The following NCR2 variants were observed in gnomAD, a reference collection of about 807,000 sequenced individuals.
NCR2 encodes NK cell activating receptor (NKp44).
A neutral mutation model predicts 30.7 loss-of-function variants in NCR2; 35 were observed. The ratio of observed to expected loss-of-function variants is 1.14; its 90% confidence interval spans 0.87 to 1.51. The LOEUF (loss-of-function observed/expected upper bound fraction) is 1.51. Ranked by LOEUF, NCR2 falls within the 40% of genes most tolerant of loss-of-function variation. The probability of loss-of-function intolerance (pLI) is 0.00; values close to 1 mark genes in which losing one functional copy is unlikely to be tolerated. For missense variants in NCR2, 316 were observed against 328.9 expected (o/e 0.96, Z 0.30); for synonymous variants, 146 against 134.8 (o/e 1.08, Z -0.58).
intron 4 of NCR2, among the ~76,000 whole-genome samples, chr6:41,342,453 C>T (rs1285407469): frequency 6.7e-6 from 1 of 150,214 alleles, no homozygotes; most frequent in Non-Finnish European, 1.5e-5. Context: ...TCTCTCCATT[C>T]CTCCCCCTCC....
intron 4 of NCR2, among the ~76,000 whole-genome samples, chr6:41,348,790 T>A (rs1289369422): frequency 6.6e-6 from 1 of 152,148 alleles, no homozygotes; most frequent in African/African-American, 2.4e-5. Flanking sequence ...TTAAAAAAAA[T>A]GTGGATCTCC....
At chr6:41,342,662 G>T (rs1769205363) in intron 4 of NCR2, among the ~76,000 whole-genome samples, 1 of 152,128 alleles carries the variant, frequency 6.6e-6, no homozygotes, top group Non-Finnish European at 1.5e-5. Flanking sequence ...CCAAGTCCAG[G>T]GACTCCCTAA....
intron 2 of NCR2, among the ~76,000 whole-genome samples, chr6:41,340,972 C>A (rs538366480): frequency 6.6e-6 from 1 of 152,128 alleles, no homozygotes; most frequent in Non-Finnish European, 1.5e-5. Context: ...CTCCTCCAGG[C>A]CCCTCCCAGC....
Position 41,341,242 on chromosome 6 carries a change from G to A in NCR2, c.395-552G>A, listed in dbSNP as rs369393664. Among the ~76,000 whole-genome samples the A allele has an allele frequency of 4.4e-4, 67 of 152,226 alleles. 1 individual carries two copies. Among genetic ancestry groups the A allele is most frequent in the African/African-American group, 1.5e-3 (64 of 41,520 alleles). On this transcript the variant is annotated intron_variant, in intron 2 of 4. Coordinates refer to ENST00000373089, the MANE Select transcript of NCR2 (RefSeq NM_004828.4). ...AGCACAGGTGGGTCTGGATCTTCCTGGGAAGGTGAACAGCAGGAGTGGTGC... is the reference window on the plus strand; with the variant it reads ...AGCACAGGTGGGTCTGGATCTTCCTAGGAAGGTGAACAGCAGGAGTGGTGC...
At chr6:41,340,335 G>A (rs1769138652) in intron 2 of NCR2, among the ~76,000 whole-genome samples, 1 of 151,940 alleles carries the variant, frequency 6.6e-6, no homozygotes, top group Non-Finnish European at 1.5e-5. Context: ...CTAATTTTTT[G>A]TATTTTAGTA....
chr6:41,343,410 T>C (rs1422022846), intron 4 of NCR2, among the ~76,000 whole-genome samples: 1 of 152,160 alleles, frequency 6.6e-6, no homozygotes, highest in East Asian at 1.9e-4. Flanking sequence ...AAGCCAAGAG[T>C]TCCCAGTTGC....
Position 41,335,771 on chromosome 6 carries a change from C to A in NCR2, c.-106C>A. On this transcript the variant is annotated 5_prime_UTR_variant, in exon 1 of 5. Transcript: ENST00000373089. ...CCAGGCCTCAGCCTGTCTCATTTTT[C>A]TATCAGACGTGCTGGAAGAGCAGCA... 1 of 1,280,628 alleles carries A rather than the reference C, an allele frequency of 7.8e-7. No individual in the cohort carries two copies. The highest frequency in any genetic ancestry group is 1.1e-6 in the Non-Finnish European group (1 of 900,420). The allele number at this position is 1,280,628 out of a possible 1,614,324, so 79.3% of individuals were successfully genotyped here. A position where few individuals can be genotyped will look rare whatever the true frequency, so the allele number is the denominator to read the frequency against.
At position 41,343,061 on chromosome 6, in the gene NCR2, C is replaced by A. The variant is rs972281467; in HGVS notation, c.644+912C>A. ...GTCTCCAACAAGGCTGGGCTCCCAG[C>A]AGCTCCTCCCTGACTTCTGACCTCT... On this transcript the variant is annotated intron_variant, in intron 4 of 4. Transcript: ENST00000373089. 4 of 1,499,544 alleles carry A rather than the reference C, an allele frequency of 2.7e-6. No individual in the cohort carries two copies. The African/African-American group carries it at 4.2e-5, about 16-fold the overall frequency. The allele number at this position is 1,499,544 out of a possible 1,614,324, so 92.9% of individuals were successfully genotyped here.
chr6:41,336,215 C>A lies in NCR2; in HGVS notation c.181C>A (p.Leu61Ile). 1.9e-6 allele frequency: 3 copies of A among 1,614,178 alleles called. No homozygotes were observed. The highest frequency in any genetic ancestry group is 2.5e-6 in the Non-Finnish European group (3 of 1,180,034). The stretch of plus-strand genomic sequence containing the variant: ...AGGCTGGTGTAAGGAGGCTTCAGCA[C>A]TTGTGTGCATCAGGTTAGTCACCAG... The part of the protein sequence containing the change: ...KKGWCKEASA[L>I]VCIRLVTSSK... The change falls in exon 2 of 5, where the codon CTT (leucine) becomes ATT (isoleucine). Residue 61 changes from leucine to isoleucine, a missense_variant. Transcript: ENST00000373089.
At position 41,341,901 on chromosome 6, in the gene NCR2, T is replaced by C. The variant is rs751893541; in HGVS notation, c.502T>C (p.Ser168Pro). ...TGCAGGAGCCAGACAAGCCCCTGAG[T>C]CTCCATCTACCATCCCTGTCCCTTC... is the stretch of plus-strand genomic sequence containing the variant. Reference protein sequence around the residue: ...PTAGARQAPESPSTIPVPSQP... With the variant: ...PTAGARQAPEPPSTIPVPSQP... The change falls in exon 3 of 5, where the codon TCT becomes CCT. Residue 168 changes from serine (S) to proline (P), a missense_variant. Transcript: ENST00000373089. 3 of 1,613,684 alleles carry C rather than the reference T, an allele frequency of 1.9e-6. No individual in the cohort carries two copies. In the East Asian group the frequency reaches 6.7e-5, roughly 36 times the overall value.
At chr6:41,343,056 C>T in intron 4 of NCR2, 1 of 1,506,612 alleles carries the variant, frequency 6.6e-7, no homozygotes, top group East Asian at 2.5e-5. Context: ...AGGCTGGGCT[C>T]CCAGCAGCTC....
At chr6:41,345,922 C>T (rs542898006) in intron 4 of NCR2, among the ~76,000 whole-genome samples, 2 of 152,238 alleles carry the variant, frequency 1.3e-5, no homozygotes, top group African/African-American at 4.8e-5. Flanking sequence ...AGTTCTCTTG[C>T]GGGGGGAGGG....
Position 41,336,214 on chromosome 6 carries a change from A to G in NCR2, c.180A>G (p.Ala60=), listed in dbSNP as rs1255972535. The G allele has an allele frequency of 6.2e-7, 1 of 1,614,168 alleles. No individual in the cohort carries two copies. Among genetic ancestry groups the G allele is most frequent in the Admixed American group, 1.7e-5 (1 of 60,026 alleles). Residue 60 remains alanine, a synonymous_variant, in exon 2 of 5, where the codon GCA becomes GCG. Coordinates refer to ENST00000373089, the MANE Select transcript of NCR2 (RefSeq NM_004828.4). ...EKKGWCKEAS[A]LVCIRLVTSS... is the part of the protein sequence containing the mutation. ...AAGGCTGGTGTAAGGAGGCTTCAGC[A>G]CTTGTGTGCATCAGGTTAGTCACCA... is the stretch of plus-strand genomic sequence containing the variant.
intron 4 of NCR2, among the ~76,000 whole-genome samples, chr6:41,345,329 A>T (rs1769276170): frequency 6.6e-6 from 1 of 151,980 alleles, no homozygotes; most frequent in African/African-American, 2.4e-5. Flanking sequence ...CTTCCCTCTT[A>T]TTCCCCCACT....
chr6:41,336,393 C>A lies in NCR2; in HGVS notation c.359C>A (p.Ser120Tyr). 1 of 1,613,984 alleles carries A rather than the reference C, an allele frequency of 6.2e-7. No homozygotes were observed. The highest frequency in any genetic ancestry group is 1.1e-5 in the South Asian group (1 of 91,084). ...RIYRPSDNSV[S>Y]KSVRFYLVVS... Reference sequence around the variant, plus strand: ...TACCGCCCTTCTGACAACTCTGTCTCTAAGTCCGTCAGATTCTATCTGGTG... The same window carrying A: ...TACCGCCCTTCTGACAACTCTGTCTATAAGTCCGTCAGATTCTATCTGGTG... The change falls in exon 2 of 5, where the codon TCT becomes TAT. Residue 120 changes from serine to tyrosine, a missense_variant. Transcript: ENST00000373089.
intron 4 of NCR2, among the ~76,000 whole-genome samples, chr6:41,347,054 C>A (rs748447019): frequency 6.6e-6 from 1 of 152,182 alleles, no homozygotes; most frequent in African/African-American, 2.4e-5. Context: ...CTCTTGTCTA[C>A]ACAAGAATAT....
At chr6:41,336,572 A>AACTCATATGTGC (rs1466240062) in intron 2 of NCR2, 144 bp downstream of exon 2, 1 of 656,100 alleles carries the variant, frequency 1.5e-6, no homozygotes, top group East Asian at 2.7e-5. Flanking sequence ...GTGCAGGGGG[A>AACTCATATGTGC]ACTCATATGT....
At chr6:41,346,592 C>T (rs1264301250) in intron 4 of NCR2, among the ~76,000 whole-genome samples, 1 of 152,188 alleles carries the variant, frequency 6.6e-6, no homozygotes, top group South Asian at 2.1e-4. Flanking sequence ...CTGGTTGAAC[C>T]TAGCTTCCTG....
At chr6:41,339,534 G>A (rs556703240) in intron 2 of NCR2, among the ~76,000 whole-genome samples, 17 of 152,010 alleles carry the variant, frequency 1.1e-4, no homozygotes, top group South Asian at 8.3e-4. Context: ...ACAGGTGCCC[G>A]CCACCATGCC....
Sources: gnomAD v4.1 joint callset for allele counts (sites outside exome capture counted in the v4.1 genomes callset) on GRCh38, gnomAD v4.1.1 for gene constraint, MANE v1.5 for transcripts, NCBI Gene and HGNC (gene_info 2026-07-23, HGNC 2026-07-21) for gene names.